FSD1L: variants seen among roughly 807,000 people sequenced by gnomAD.
The protein encoded by FSD1L is fibronectin type III and SPRY domain containing 1 like.
A neutral mutation model predicts 71.6 loss-of-function variants in FSD1L; 45 were observed. The observed-to-expected ratio is 0.63, with a 90% confidence interval of 0.49 to 0.81. The LOEUF (loss-of-function observed/expected upper bound fraction) is 0.81. Among genes scored for constraint, FSD1L ranks in the 30% least tolerant of loss-of-function variants. The pLI is 0.00. For missense variants in FSD1L, 561 were observed against 618.1 expected, an observed-to-expected ratio of 0.91 and a Z score of 0.98; for synonymous variants, 197 against 207.2, an observed-to-expected ratio of 0.95 and a Z score of 0.42.
At chr9:105,497,761 C>A (rs1383595394) in intron 7 of FSD1L, among the ~76,000 whole-genome samples, 2 of 152,136 alleles carry the variant, frequency 1.3e-5, no homozygotes, top group African/African-American at 4.8e-5. Flanking sequence ...TTCCATTGAT[C>A]TGTCAAAGAA....
At chr9:105,530,165 TA>T (rs1326519849) in intron 10 of FSD1L, among the ~76,000 whole-genome samples, 1 of 152,132 alleles carries the variant, frequency 6.6e-6, no homozygotes. Flanking sequence ...TATCTTGTAA[TA>T]ATGAAAAAGA....
chr9:105,509,743 T>A (rs548089431), intron 9 of FSD1L, among the ~76,000 whole-genome samples: 7 of 152,230 alleles, frequency 4.6e-5, no homozygotes, highest in African/African-American at 1.4e-4. Flanking sequence ...TTGAAGTAAT[T>A]TGTTTGGATT....
chr9:105,544,724 A>G (rs1445590387), intron 13 of FSD1L, among the ~76,000 whole-genome samples: 2 of 152,170 alleles, frequency 1.3e-5, no homozygotes, highest in Non-Finnish European at 2.9e-5. Context: ...TTTGTCAAAG[A>G]TCAGATGGTT....
At chr9:105,492,092 C>T (rs1185328820) in intron 7 of FSD1L, among the ~76,000 whole-genome samples, 1 of 151,998 alleles carries the variant, frequency 6.6e-6, no homozygotes, top group Non-Finnish European at 1.5e-5. Flanking sequence ...CCTCCTTGTA[C>T]CTCTGGTAGA....
chr9:105,472,161 C>T, intron 5 of FSD1L, 156 bp downstream of exon 5: 3 of 855,404 alleles, frequency 3.5e-6, no homozygotes, highest in Non-Finnish European at 4.9e-6. Flanking sequence ...TTCATTTATT[C>T]CAAAGCAAAC....
At chr9:105,492,750 G>C (rs111867316) in intron 7 of FSD1L, among the ~76,000 whole-genome samples, 3 of 152,060 alleles carry the variant, frequency 2.0e-5, no homozygotes, top group African/African-American at 7.3e-5. Context: ...CCGTCATTTT[G>C]TTATGTACCC....
intron 1 of FSD1L, among the ~76,000 whole-genome samples, chr9:105,456,566 A>G (rs975133782): frequency 1.5e-4 from 23 of 152,334 alleles, no homozygotes; most frequent in African/African-American, 5.3e-4. Context: ...ACTTTGATTC[A>G]TTCCATAACA....
At chr9:105,496,647 G>T (rs778965424) in intron 7 of FSD1L, among the ~76,000 whole-genome samples, 1 of 152,168 alleles carries the variant, frequency 6.6e-6, no homozygotes, top group South Asian at 2.1e-4. Flanking sequence ...CATTTTGGGG[G>T]TGCTGATGTA....
intron 3 of FSD1L, among the ~76,000 whole-genome samples, chr9:105,466,164 A>T (rs2131621045): frequency 6.6e-6 from 1 of 152,320 alleles, no homozygotes; most frequent in East Asian, 1.9e-4. Flanking sequence ...ATAAAAAAAT[A>T]GGAATAAATT....
intron 7 of FSD1L, among the ~76,000 whole-genome samples, chr9:105,492,523 AT>A (rs1368377742): frequency 6.6e-6 from 1 of 151,640 alleles, no homozygotes; most frequent in East Asian, 1.9e-4. Flanking sequence ...GATTTTAGTT[AT>A]TTCTTGCCTT....
intron 1 of FSD1L, among the ~76,000 whole-genome samples, chr9:105,457,688 T>A (rs957616532): frequency 6.6e-6 from 1 of 152,246 alleles, no homozygotes; most frequent in African/African-American, 2.4e-5. Context: ...CCACTTGGCC[T>A]GGCAGGCTGT....
intron 1 of FSD1L, among the ~76,000 whole-genome samples, chr9:105,453,012 T>C (rs1830135804): frequency 1.3e-5 from 2 of 151,246 alleles, no homozygotes; most frequent in East Asian, 1.9e-4. Context: ...GCTGGGATTA[T>C]AGGTATGAGC....
chr9:105,523,029 A>G, intron 10 of FSD1L: 1 of 1,613,918 alleles, frequency 6.2e-7, no homozygotes, highest in South Asian at 1.1e-5. Context: ...AAAATTTGAC[A>G]ATTTTGGCTT....
rs1008339962 is a variant in FSD1L at position 105,546,361 on chromosome 9, T to C, written c.1471T>C (p.Trp491Arg). ...TQPVLPGFMV[W>R]CGGLSLSTGM... ...AGGTTTTTTTGTCTTTTCTTAGGTA[T>C]GGTGTGGTGGACTTTCTTTGAGTAC... Residue 491 changes from tryptophan (W) to arginine (R), a missense_variant, in exon 14 of 14, where the codon TGG (tryptophan) becomes CGG (arginine). This residue lies in a region of FSD1L where 98 missense variants were observed against 102.3 expected (regional missense o/e 0.96). Transcript: ENST00000481272. The C allele has an allele frequency of 5.8e-6, 9 of 1,538,892 alleles. No homozygotes were observed. The Admixed American group carries it at 1.7e-4, about 29-fold the overall frequency.
intron 7 of FSD1L, among the ~76,000 whole-genome samples, chr9:105,496,607 A>G (rs1419810772): frequency 6.6e-6 from 1 of 152,244 alleles, no homozygotes; most frequent in African/African-American, 2.4e-5. Flanking sequence ...AACATGGAAC[A>G]TATTTTGTTA....
intron 1 of FSD1L, among the ~76,000 whole-genome samples, chr9:105,457,196 A>G (rs1830411384): frequency 6.6e-6 from 1 of 152,234 alleles, no homozygotes. Flanking sequence ...AGGTAGAGAA[A>G]CTGATAAGTG....
chr9:105,512,295 A>G (rs1834440795), intron 9 of FSD1L, among the ~76,000 whole-genome samples: 1 of 152,084 alleles, frequency 6.6e-6, no homozygotes, highest in South Asian at 2.1e-4. Flanking sequence ...TTGTTCTGCC[A>G]TCACGGCCTC....
At chr9:105,499,508 C>G (rs535796574) in intron 7 of FSD1L, among the ~76,000 whole-genome samples, 44 of 152,036 alleles carry the variant, frequency 2.9e-4, no homozygotes, top group African/African-American at 1.1e-3. Context: ...TTCTCCTTCA[C>G]TACTGAAGGA....
chr9:105,548,517 T>C lies in FSD1L; in HGVS notation c.*2034T>C, dbSNP rs1452484290. On this transcript the variant is annotated 3_prime_UTR_variant, in exon 14 of 14. Coordinates refer to ENST00000481272, the MANE Select transcript of FSD1L (RefSeq NM_001145313.3). The stretch of plus-strand genomic sequence containing the variant: ...ATGCCCCATGCAGTGTCAACTGATG[T>C]TTAAGCTACAGAGCATTGTTGTAGT... 1 of 152,538 alleles carries C rather than the reference T, an allele frequency of 6.6e-6. No individual in the cohort carries two copies. Among genetic ancestry groups the C allele is most frequent in the East Asian group, 1.9e-4 (1 of 5,192 alleles). The allele number at this position is 152,538 out of a possible 1,614,324, so 9.4% of individuals were successfully genotyped here.
Sources: allele counts gnomAD v4.1 joint callset (sites outside exome capture counted in the v4.1 genomes callset), GRCh38; gene constraint gnomAD v4.1.1; regional missense constraint gnomAD v4.1.1; transcripts MANE v1.5; gene names NCBI Gene and HGNC (gene_info 2026-07-23, HGNC 2026-07-21).